DHRS4L2: variants seen among roughly 807,000 people sequenced by gnomAD.
DHRS4L2 encodes the protein dehydrogenase/reductase SDR family member 4-like 2.
In DHRS4L2, 22 loss-of-function variants were observed where a neutral mutation model predicts 23.9. The observed-to-expected ratio is 0.92, with a 90% confidence interval of 0.66 to 1.31. The LOEUF (loss-of-function observed/expected upper bound fraction) is 1.31. DHRS4L2 is among the 40% of genes most tolerant of loss of function. The pLI, the probability that DHRS4L2 is intolerant of heterozygous loss-of-function variation, is 0.00. For synonymous variants in DHRS4L2, 141 were observed against 123.7 expected, an observed-to-expected ratio of 1.14 and a Z score of -0.93; for missense variants, 385 against 303.3, an observed-to-expected ratio of 1.27 and a Z score of -2.00.
rs775207449 is a variant in DHRS4L2 at position 24,004,395 on chromosome 14, A to G, written c.*22+3A>G. ...AAAGAAACCCTGCGGATAAGAAGGT[A>G]AACTGTCATGAGGGCAAGGGCACTA... On this transcript the variant is annotated splice_donor_region_variant and intron_variant, in intron 7 of 7. Coordinates refer to ENST00000335125, the MANE Select transcript of DHRS4L2 (RefSeq NM_198083.4). 22 of 1,600,230 alleles carry G rather than the reference A, an allele frequency of 1.4e-5. No homozygotes were observed. The highest frequency in any genetic ancestry group is 1.8e-5 in the Non-Finnish European group (21 of 1,176,838).
intron 2 of DHRS4L2, among the ~76,000 whole-genome samples, chr14:23,992,711 T>G (rs8014084): frequency 0.52 from 78,477 of 150,342 alleles, 25,665 homozygotes; most frequent in African/African-American, 0.88. Context: ...CCAGAGACAG[T>G]GCCTCATTCT....
chr14:23,970,195 G>C (rs990195542), exon 1 of DHRS4L2: 2 of 454,964 alleles, frequency 4.4e-6, no homozygotes, highest in African/African-American at 2.0e-5. Flanking sequence ...GATCCAGCAC[G>C]TTCCTTCCGG....
At chr14:23,989,515 G>A (rs985892185) in intron 1 of DHRS4L2, among the ~76,000 whole-genome samples, 2 of 151,616 alleles carry the variant, frequency 1.3e-5, no homozygotes, top group African/African-American at 4.8e-5. Flanking sequence ...GGACACCAGA[G>A]CCATGTGTCG....
chr14:23,989,560 C>T (rs1373902532), intron 1 of DHRS4L2, among the ~76,000 whole-genome samples: 1 of 151,572 alleles, frequency 6.6e-6, no homozygotes, highest in East Asian at 1.9e-4. Flanking sequence ...CTGGGCCTAC[C>T]TTGCCCAGCC....
chr14:23,990,205 G>T lies in DHRS4L2; in HGVS notation c.152G>T (p.Arg51Leu), dbSNP rs571000190. ...TDGIGFAIAR[R>L]LAQDRAHVVV... ...AGGATCGGCTTCGCCATCGCCCGGC[G>T]TTTGGCCCAGGACAGGGCCCACGTG... The change falls in exon 2 of 8, where the codon CGT (arginine) becomes CTT (leucine). Residue 51 changes from arginine (R) to leucine (L), a missense_variant. Arg to Leu is a moderately radical substitution (Grantham distance 102). Coordinates refer to ENST00000335125, the MANE Select transcript of DHRS4L2 (RefSeq NM_198083.4). 15 of 1,612,682 alleles carry T rather than the reference G, an allele frequency of 9.3e-6. 1 individual carries two copies. The highest frequency in any genetic ancestry group is 1.3e-5 in the Non-Finnish European group (15 of 1,179,346).
At chr14:23,986,810 C>T (rs578090679), upstream of DHRS4L2, among the ~76,000 whole-genome samples, 6 of 151,438 alleles carry the variant, frequency 4.0e-5, no homozygotes, top group Admixed American at 1.3e-4. Context: ...ACCCTCCCCC[C>T]AGCCCCACAC....
chr14:23,987,110 C>G, upstream of DHRS4L2: 1 of 270,840 alleles, frequency 3.7e-6, no homozygotes, highest in South Asian at 2.9e-5. Flanking sequence ...CATACACCCC[C>G]TTTTGAATGT....
At chr14:23,993,159 C>T (rs1566496339) in intron 2 of DHRS4L2, among the ~76,000 whole-genome samples, 1 of 151,138 alleles carries the variant, frequency 6.6e-6, no homozygotes, top group Non-Finnish European at 1.5e-5. Flanking sequence ...GTACTGAGCA[C>T]AGTGCACATC....
intron 6 of DHRS4L2, 50 bp from the exon 7 acceptor site, chr14:24,004,287 A>T: frequency 6.5e-7 from 1 of 1,526,958 alleles, no homozygotes; most frequent in African/African-American, 1.5e-5. Context: ...AAAAAAAAAA[A>T]AGAAAGGAAA....
In DHRS4L2 at chr14:23,980,911, C is replaced by A. The variant is rs371922912; in HGVS notation, c.-175-9271C>A. ...AATCGGCACAAGACAAGGATGCATT[C>A]TCTCACCACTCCTATTCAACATACT... On this transcript the variant is annotated intron_variant, in intron 1 of 5. Coordinates refer to the DHRS4L2 transcript ENST00000534993. Among the ~76,000 whole-genome samples, 663 of 151,506 alleles carry A rather than the reference C, an allele frequency of 4.4e-3. 9 individuals are homozygous for A. Among genetic ancestry groups the A allele is most frequent in the African/African-American group, 0.014 (594 of 41,256 alleles).
At chr14:23,984,264 T>C (rs1390414921), upstream of DHRS4L2, among the ~76,000 whole-genome samples, 2 of 151,648 alleles carry the variant, frequency 1.3e-5, no homozygotes, top group Non-Finnish European at 2.9e-5. Context: ...ACCTTTTACT[T>C]TTCACATAAC....
chr14:23,975,747 C>G (rs1202024904), intron 1 of DHRS4L2, among the ~76,000 whole-genome samples: 3 of 151,740 alleles, frequency 2.0e-5, no homozygotes, highest in Non-Finnish European at 4.4e-5. Context: ...ACCAATGGAA[C>G]AGAACAGAGG....
At chr14:23,979,252 A>C (rs1410466343) in intron 1 of DHRS4L2, among the ~76,000 whole-genome samples, 1 of 146,942 alleles carries the variant, frequency 6.8e-6, no homozygotes, top group African/African-American at 2.5e-5. Context: ...ACTATCCTAA[A>C]TATATATGTA....
intron 3 of DHRS4L2, among the ~76,000 whole-genome samples, chr14:23,999,914 G>A (rs1334383961): frequency 7.8e-6 from 1 of 128,590 alleles, no homozygotes; most frequent in African/African-American, 3.6e-5. Flanking sequence ...GGCTGTTCTC[G>A]AACTCCTGAC....
chr14:23,971,712 C>T (rs1037075331), intron 1 of DHRS4L2, among the ~76,000 whole-genome samples: 4 of 152,042 alleles, frequency 2.6e-5, no homozygotes, highest in African/African-American at 9.7e-5. Context: ...ACTAGAATTT[C>T]ATATCCAGCC....
upstream of DHRS4L2, among the ~76,000 whole-genome samples, chr14:23,985,722 T>A (rs1275991397): frequency 6.6e-6 from 1 of 151,628 alleles, no homozygotes; most frequent in African/African-American, 2.4e-5. Flanking sequence ...CTTCTTTTTT[T>A]ATTTTTTTGA....
At chr14:23,975,717 C>T (rs1282591491) in intron 1 of DHRS4L2, among the ~76,000 whole-genome samples, 10 of 151,658 alleles carry the variant, frequency 6.6e-5, no homozygotes, top group South Asian at 6.2e-4. Flanking sequence ...AGCATGGTAC[C>T]GGTACCAAAA....
chr14:23,990,332 G>A lies in DHRS4L2; in HGVS notation c.279G>A (p.Ala93=), dbSNP rs542907863. 1.7e-5 allele frequency: 28 copies of A among 1,611,658 alleles called. 1 individual carries two copies. In the East Asian group the frequency reaches 1.8e-4, roughly 10 times the overall value. ...VTGTVCHVGK[A]EDRERLVAMA... is the part of the protein sequence containing the mutation. Reference sequence around the variant, plus strand: ...GCACTGTGTGCCATGTGGGGAAGGCGGAGGACCGGGAGCGGCTGGTGGCCA... The same window carrying A: ...GCACTGTGTGCCATGTGGGGAAGGCAGAGGACCGGGAGCGGCTGGTGGCCA... The change falls in exon 2 of 8, where the codon GCG becomes GCA. Residue 93 remains alanine, a synonymous_variant. Transcript: ENST00000335125.
At chr14:23,990,064 G>C in intron 1 of DHRS4L2, 118 bp from the exon 2 acceptor site, 1 of 1,481,798 alleles carries the variant, frequency 6.7e-7, no homozygotes, top group Non-Finnish European at 9.1e-7. Flanking sequence ...GGCACACGTA[G>C]GAGTTATATA....
Sources: gnomAD v4.1 joint callset for allele counts (sites outside exome capture counted in the v4.1 genomes callset) on GRCh38, gnomAD v4.1.1 for gene constraint, MANE v1.5 for transcripts, NCBI Gene and HGNC (gene_info 2026-07-23, HGNC 2026-07-21) for gene names.